The following GNE variants were observed in gnomAD, a reference collection of about 807,000 sequenced individuals.
GNE encodes the protein glucosamine (UDP-N-acetyl)-2-epimerase/N-acetylmannosamine kinase.
Under a neutral mutation model 61.8 loss-of-function variants are expected in GNE, and 41 were observed. The ratio of observed to expected loss-of-function variants is 0.66; its 90% CI spans 0.52 to 0.86. The LOEUF (loss-of-function observed/expected upper bound fraction) is 0.86, where lower values mean the gene tolerates loss of function less well. GNE is among the 40% of genes least tolerant of loss of function. The probability of loss-of-function intolerance (pLI) is 0.00; values close to 1 mark genes in which losing one functional copy is unlikely to be tolerated. For synonymous variants in GNE, 264 were observed against 326.4 expected (o/e 0.81, Z 2.06); for missense variants, 608 against 909.1 (o/e 0.67, Z 4.26).
At chr9:36,256,789 C>T (rs751709138) in intron 1 of GNE, among the ~76,000 whole-genome samples, 1 of 152,224 alleles carries the variant, frequency 6.6e-6, no homozygotes, top group Non-Finnish European at 1.5e-5. Context: ...AAGTGCCAAA[C>T]ATTGTGCTAA....
At chr9:36,232,602 C>T (rs1468187452) in intron 5 of GNE, among the ~76,000 whole-genome samples, 2 of 152,190 alleles carry the variant, frequency 1.3e-5, no homozygotes, top group Non-Finnish European at 2.9e-5. Flanking sequence ...CACTGCCTCT[C>T]CCTGATCCTC....
At chr9:36,275,447 A>T (rs969378332) in intron 1 of GNE, among the ~76,000 whole-genome samples, 8 of 152,222 alleles carry the variant, frequency 5.3e-5, no homozygotes, top group African/African-American at 1.9e-4. Flanking sequence ...ATATTGGAAA[A>T]GATAATTGAA....
upstream of GNE, among the ~76,000 whole-genome samples, chr9:36,261,354 C>T (rs189626447): frequency 6.9e-4 from 104 of 151,750 alleles, 1 homozygote; most frequent in Non-Finnish European, 1.2e-3. Context: ...GTCAGGAGAT[C>T]GAGACCAGCC....
At chr9:36,250,746 G>A (rs1830079362) in intron 1 of GNE, among the ~76,000 whole-genome samples, 1 of 152,144 alleles carries the variant, frequency 6.6e-6, no homozygotes, top group South Asian at 2.1e-4. Context: ...AGTGGCACGA[G>A]CTTGGCTCAC....
At chr9:36,273,245 TCTCA>T (rs1245342421) in intron 1 of GNE, among the ~76,000 whole-genome samples, 3 of 145,814 alleles carry the variant, frequency 2.1e-5, no homozygotes, top group Non-Finnish European at 4.5e-5. Flanking sequence ...TGAGACAATG[TCTCA>T]CTCTGTGGCT....
intron 6 of GNE, among the ~76,000 whole-genome samples, chr9:36,228,044 A>C (rs2133044762): frequency 6.6e-6 from 1 of 151,396 alleles, no homozygotes; most frequent in African/African-American, 2.4e-5. Context: ...AAAAAAAAAA[A>C]AAAAAAACAA....
At chr9:36,255,320 G>T (rs1334292982) in intron 1 of GNE, among the ~76,000 whole-genome samples, 1 of 152,004 alleles carries the variant, frequency 6.6e-6, no homozygotes, top group Non-Finnish European at 1.5e-5. Flanking sequence ...CAATTCTCCT[G>T]CCTCAGCCTC....
intron 8 of GNE, 102 bp downstream of exon 8, chr9:36,223,271 G>T: frequency 8.9e-7 from 1 of 1,123,358 alleles, no homozygotes; most frequent in Non-Finnish European, 1.4e-6. Flanking sequence ...AGCCATCTAT[G>T]CACAGGGCAG....
At chr9:36,267,243 G>A (rs1290235183) in intron 1 of GNE, among the ~76,000 whole-genome samples, 3 of 152,120 alleles carry the variant, frequency 2.0e-5, no homozygotes, top group Admixed American at 6.6e-5. Context: ...ACTATTTGTA[G>A]CCCCAATTAC....
intron 3 of GNE, among the ~76,000 whole-genome samples, chr9:36,242,732 G>GTTTTTTTTTTTTTT (rs34441447): frequency 1.0e-5 from 1 of 95,992 alleles, no homozygotes. Flanking sequence ...TTTTATGCTT[G>GTTTTTTTTTTTTTT]TTTTTTTTTT....
intron 1 of GNE, chr9:36,264,914 A>G (rs956225589): frequency 1.9e-5 from 3 of 157,570 alleles, no homozygotes; most frequent in African/African-American, 7.2e-5. Flanking sequence ...TTTGTATGGG[A>G]GCTGTGTTTT....
chr9:36,266,789 G>T (rs1000550083), intron 1 of GNE, among the ~76,000 whole-genome samples: 1 of 152,140 alleles, frequency 6.6e-6, no homozygotes, highest in Non-Finnish European at 1.5e-5. Flanking sequence ...GGCGCCTGTA[G>T]TCCCAGCTAC....
At chr9:36,266,148 C>A (rs1317521930) in intron 1 of GNE, among the ~76,000 whole-genome samples, 1 of 152,024 alleles carries the variant, frequency 6.6e-6, no homozygotes, top group Non-Finnish European at 1.5e-5. Flanking sequence ...CCAGGCTGGT[C>A]GAGAACTCCT....
chr9:36,221,265 T>C (rs553324346), intron 9 of GNE, among the ~76,000 whole-genome samples: 2 of 152,304 alleles, frequency 1.3e-5, no homozygotes, highest in South Asian at 4.1e-4. Flanking sequence ...TGAGCTGAGA[T>C]TGTGCGACTG....
chr9:36,242,732 G>GTTTT (rs34441447), intron 3 of GNE, among the ~76,000 whole-genome samples: 27 of 95,984 alleles, frequency 2.8e-4, no homozygotes, highest in East Asian at 5.8e-4. Flanking sequence ...TTTTATGCTT[G>GTTTT]TTTTTTTTTT....
At chr9:36,242,400 A>G (rs565550699) in intron 3 of GNE, among the ~76,000 whole-genome samples, 1 of 152,116 alleles carries the variant, frequency 6.6e-6, no homozygotes, top group African/African-American at 2.4e-5. Flanking sequence ...ATTTTGCTAC[A>G]TTCTGCTTTC....
intron 5 of GNE, among the ~76,000 whole-genome samples, chr9:36,231,156 G>C (rs575543776): frequency 1.2e-4 from 18 of 150,866 alleles, no homozygotes; most frequent in Non-Finnish European, 2.5e-4. Context: ...GGAAAAGAAA[G>C]AAGGAAAGAA....
intron 5 of GNE, among the ~76,000 whole-genome samples, chr9:36,231,478 CTA>C (rs1829153593): frequency 6.6e-6 from 1 of 152,232 alleles, no homozygotes; most frequent in African/African-American, 2.4e-5. Context: ...ACAAAAAAGA[CTA>C]TATTCTTCAG....
At chr9:36,255,889 C>G (rs1041345455) in intron 1 of GNE, among the ~76,000 whole-genome samples, 4 of 152,146 alleles carry the variant, frequency 2.6e-5, no homozygotes, top group African/African-American at 7.2e-5. Context: ...TTGCCTTCAT[C>G]TTGAACTCAC....
Sources: allele counts gnomAD v4.1 joint callset (sites outside exome capture counted in the v4.1 genomes callset), GRCh38; gene constraint gnomAD v4.1.1; transcripts MANE v1.5; gene names NCBI Gene and HGNC (gene_info 2026-07-23, HGNC 2026-07-21).